SLIT2: variants seen among roughly 807,000 people sequenced by gnomAD.
SLIT2 encodes the protein slit guidance ligand 2.
Under a neutral mutation model 185.7 loss-of-function variants are expected in SLIT2, and 41 were observed. The ratio of observed to expected loss-of-function variants is 0.22; its 90% CI spans 0.17 to 0.29. SLIT2 has a LOEUF of 0.29. Ranked by LOEUF, SLIT2 falls within the 10% of genes least tolerant of loss-of-function variation. The pLI is 1.00. For synonymous variants in SLIT2, 693 were observed against 680.2 expected (o/e 1.02, Z -0.29); for missense variants, 1,571 against 1,909.0 (o/e 0.82, Z 3.30).
At chr4:20,450,474 A>G (rs990780398) in intron 4 of SLIT2, among the ~76,000 whole-genome samples, 1 of 152,208 alleles carries the variant, frequency 6.6e-6, no homozygotes, top group African/African-American at 2.4e-5. Flanking sequence ...AAGTCAATCC[A>G]TGATTACCAT....
At position 20,580,291 on chromosome 4, in the gene SLIT2, G is replaced by C. The variant is rs1034488089; in HGVS notation, c.3089-9353G>C. 2.0e-5 allele frequency among the ~76,000 whole-genome samples: 3 copies of C among 151,236 alleles called. No homozygotes were observed. The South Asian group carries it at 6.2e-4, about 31-fold the overall frequency. On this transcript the variant is annotated intron_variant, in intron 29 of 36. Coordinates refer to ENST00000504154, the MANE Select transcript of SLIT2 (RefSeq NM_004787.4). ...GACCTCAGGTGATCCACGCACCTCG[G>C]CCTCCTGTAGTGCTAGGATTACAGG... is the stretch of plus-strand genomic sequence containing the variant.
At chr4:20,534,870 A>G (rs6842564) in intron 18 of SLIT2, among the ~76,000 whole-genome samples, 73,397 of 152,000 alleles carry the variant, frequency 0.48, 18,215 homozygotes, top group African/African-American at 0.56. Flanking sequence ...GCAGAAGTGC[A>G]TTCCTTGAGT....
At chr4:20,346,627 A>C (rs548889163) in intron 4 of SLIT2, among the ~76,000 whole-genome samples, 1 of 152,330 alleles carries the variant, frequency 6.6e-6, no homozygotes, top group South Asian at 2.1e-4. Flanking sequence ...AAGTCCCATG[A>C]TAGGCTGTCT....
intron 24 of SLIT2, among the ~76,000 whole-genome samples, chr4:20,549,800 A>C (rs1408637973): frequency 1.3e-5 from 2 of 151,904 alleles, no homozygotes; most frequent in South Asian, 2.1e-4. Context: ...ATATAACTCA[A>C]CTGTTTAACT....
At position 20,299,572 on chromosome 4, in the gene SLIT2, A is replaced by G. The variant is rs149034588; in HGVS notation, c.395+30691A>G. Among the ~76,000 whole-genome samples, 6 of 151,736 alleles carry G rather than the reference A, an allele frequency of 4.0e-5. No homozygotes were observed. In the East Asian group the frequency reaches 5.8e-4, roughly 15 times the overall value. On this transcript the variant is annotated intron_variant, in intron 4 of 36. Coordinates refer to ENST00000504154, the MANE Select transcript of SLIT2 (RefSeq NM_004787.4). ...GATTTCTTTTTCTATAGAGAAAAAT[A>G]TAGCTGAGCAGATTTTTAAATGCAG...
chr4:20,254,057 G>T lies in SLIT2; in HGVS notation c.179+63G>T. On this transcript the variant is annotated intron_variant, in intron 1 of 36. Transcript: ENST00000504154. This position sits in a 1 kb window ranked among gnomAD's most constrained non-coding sequence, Gnocchi z 5.1. Reference sequence around the variant, plus strand: ...GGGCCGCGCACCCCTGCCTCCACTGGAGGAACCTGTCAGCTCAGGGTCCTG... The same window carrying T: ...GGGCCGCGCACCCCTGCCTCCACTGTAGGAACCTGTCAGCTCAGGGTCCTG... 3 of 1,516,542 alleles carry T rather than the reference G, an allele frequency of 2.0e-6. No individual in the cohort carries two copies. Among genetic ancestry groups the T allele is most frequent in the South Asian group, 1.2e-5 (1 of 84,686 alleles). 93.9% of individuals were successfully genotyped at this position (1,516,542 alleles called of 1,614,324 possible). A position where few individuals can be genotyped will look rare whatever the true frequency, so the allele number is the denominator to read the frequency against.
chr4:20,493,035 A>C (rs1433713064), intron 9 of SLIT2, among the ~76,000 whole-genome samples: 1 of 152,212 alleles, frequency 6.6e-6, no homozygotes, highest in Non-Finnish European at 1.5e-5. Context: ...TAATTGATAG[A>C]ACATTACTTT....
intron 4 of SLIT2, among the ~76,000 whole-genome samples, chr4:20,339,422 A>G (rs1163400873): frequency 6.6e-6 from 1 of 152,174 alleles, no homozygotes; most frequent in Non-Finnish European, 1.5e-5. Context: ...ATTTCAAGAA[A>G]GGCACAGCAA....
At chr4:20,512,105 C>T (rs976536488) in intron 11 of SLIT2, among the ~76,000 whole-genome samples, 5 of 152,074 alleles carry the variant, frequency 3.3e-5, no homozygotes, top group African/African-American at 9.7e-5. Context: ...TTTAAATATT[C>T]GAAAGTGGAA....
chr4:20,472,235 GATCTATAT>G (rs1715130586), intron 5 of SLIT2, among the ~76,000 whole-genome samples: 1 of 85,214 alleles, frequency 1.2e-5, no homozygotes, highest in Non-Finnish European at 2.2e-5. Context: ...TATATATATA[GATCTATAT>G]ATCTATATAT....
chr4:20,548,935 A>G (rs1251294998), intron 23 of SLIT2, 122 bp from the exon 24 acceptor site: 2 of 634,676 alleles, frequency 3.2e-6, no homozygotes, highest in African/African-American at 1.8e-5. Flanking sequence ...ATAACAATAT[A>G]TTGTGTGTTA....
intron 9 of SLIT2, among the ~76,000 whole-genome samples, chr4:20,509,768 G>C (rs1719541904): frequency 1.3e-5 from 2 of 152,130 alleles, no homozygotes; most frequent in Admixed American, 1.3e-4. Flanking sequence ...GTAAAATCTT[G>C]TCTTTCTCTG....
At chr4:20,483,057 A>G (rs989269794) in intron 6 of SLIT2, among the ~76,000 whole-genome samples, 7 of 152,016 alleles carry the variant, frequency 4.6e-5, no homozygotes, top group Admixed American at 2.6e-4. Context: ...TATTTTTACC[A>G]TTCGTGACTC....
In SLIT2 at chr4:20,273,583, A is replaced by C. The variant is rs374567019; in HGVS notation, c.395+4702A>C. Among the ~76,000 whole-genome samples, 465 of 152,262 alleles carry C rather than the reference A, an allele frequency of 3.1e-3. 2 individuals carry two copies. The highest frequency in any genetic ancestry group is 0.017 in the Middle Eastern group (5 of 294). On this transcript the variant is annotated intron_variant, in intron 4 of 36. Transcript: ENST00000504154. Reference sequence around the variant, plus strand: ...ATTAAATTTAAAGGATAACTTGGTCAATTAAATGTTTGATTCCCCTAGGTT... The same window carrying C: ...ATTAAATTTAAAGGATAACTTGGTCCATTAAATGTTTGATTCCCCTAGGTT...
intron 9 of SLIT2, among the ~76,000 whole-genome samples, chr4:20,503,773 G>C (rs1000950734): frequency 6.6e-6 from 1 of 152,044 alleles, no homozygotes; most frequent in Non-Finnish European, 1.5e-5. Context: ...ATTTACACTC[G>C]GGAATGTATT....
At chr4:20,469,859 G>T (rs1471768267) in intron 5 of SLIT2, among the ~76,000 whole-genome samples, 1 of 147,886 alleles carries the variant, frequency 6.8e-6, no homozygotes, top group Non-Finnish European at 1.5e-5. Context: ...GGGTTCAAGC[G>T]ATTCTTCTGC....
chr4:20,541,615 T>G lies in SLIT2; in HGVS notation c.2139T>G (p.Asp713Glu). Residue 713 changes from aspartate to glutamate, a missense_variant, in exon 20 of 37, where the codon GAT becomes GAG. By Grantham distance (45) the Asp-to-Glu change is conservative (BLOSUM62 2). Coordinates refer to ENST00000504154, the MANE Select transcript of SLIT2 (RefSeq NM_004787.4). Reference sequence around the variant, plus strand: ...TGGCCATTCAGGACTTCACTTGTGATGACGGTAAGAAATACTTATCAACTC... The same window carrying G: ...TGGCCATTCAGGACTTCACTTGTGAGGACGGTAAGAAATACTTATCAACTC... ...QDVAIQDFTC[D>E]DGNDDNSCSP... 6.2e-7 allele frequency: 1 copy of G among 1,613,654 alleles called. No individual in the cohort carries two copies. Among genetic ancestry groups the G allele is most frequent in the Non-Finnish European group, 8.5e-7 (1 of 1,179,600 alleles).
intron 4 of SLIT2, among the ~76,000 whole-genome samples, chr4:20,350,302 A>G (rs77934926): frequency 6.6e-6 from 1 of 150,926 alleles, no homozygotes; most frequent in Non-Finnish European, 1.5e-5. Context: ...TTTTTTTTTA[A>G]TGCTGAGTAC....
intron 29 of SLIT2, among the ~76,000 whole-genome samples, chr4:20,586,581 G>C (rs1350217736): frequency 1.3e-5 from 2 of 152,176 alleles, no homozygotes; most frequent in Non-Finnish European, 2.9e-5. Flanking sequence ...TTATATGCTT[G>C]TAATGAATAT....
Sources: gnomAD v4.1 joint callset for allele counts (sites outside exome capture counted in the v4.1 genomes callset) on GRCh38, gnomAD v4.1.1 for gene constraint, Gnocchi (gnomAD v3.1) non-coding constraint, MANE v1.5 for transcripts, NCBI Gene and HGNC (gene_info 2026-07-23, HGNC 2026-07-21) for gene names.